The following PEBP4 variants were observed in gnomAD, a reference collection of about 807,000 sequenced individuals.
PEBP4 encodes the protein phosphatidylethanolamine-binding protein 4.
Under a neutral mutation model 23.9 loss-of-function variants are expected in PEBP4, and 22 were observed. The ratio of observed to expected loss-of-function variants is 0.92; its 90% CI spans 0.66 to 1.31. The LOEUF (loss-of-function observed/expected upper bound fraction) is 1.31. Ranked by LOEUF, PEBP4 falls within the 40% of genes most tolerant of loss-of-function variation. The pLI, the probability that PEBP4 is intolerant of heterozygous loss-of-function variation, is 0.00. For synonymous variants in PEBP4, 112 were observed against 99.3 expected, an observed-to-expected ratio of 1.13 and a Z score of -0.76; for missense variants, 324 against 281.7, an observed-to-expected ratio of 1.15 and a Z score of -1.07.
At chr8:22,818,951 C>T (rs939784833) in intron 3 of PEBP4, among the ~76,000 whole-genome samples, 14 of 152,010 alleles carry the variant, frequency 9.2e-5, no homozygotes, top group Non-Finnish European at 1.6e-4. Context: ...TTAAATGGTA[C>T]AAATAAGACT....
intron 3 of PEBP4, among the ~76,000 whole-genome samples, chr8:22,875,517 G>T (rs1808101869): frequency 6.6e-6 from 1 of 152,006 alleles, no homozygotes; most frequent in African/African-American, 2.4e-5. Context: ...GTTGTTCTGA[G>T]CCCCACTCCT....
intron 3 of PEBP4, among the ~76,000 whole-genome samples, chr8:22,825,275 G>A (rs1806944329): frequency 6.6e-6 from 1 of 152,212 alleles, no homozygotes. Flanking sequence ...TAGGTCCATG[G>A]AGCTGACAGG....
chr8:22,761,670 T>A (rs559294496), intron 4 of PEBP4, among the ~76,000 whole-genome samples: 1 of 152,218 alleles, frequency 6.6e-6, no homozygotes, highest in African/African-American at 2.4e-5. Flanking sequence ...CTGCTTTAAA[T>A]GTACTCTTCA....
intron 1 of PEBP4, among the ~76,000 whole-genome samples, chr8:22,933,163 T>A (rs544292741): frequency 1.6e-4 from 24 of 152,200 alleles, no homozygotes; most frequent in Non-Finnish European, 2.9e-4. Flanking sequence ...TGCTCTAATC[T>A]GTCTGGGGTC....
At chr8:22,767,436 G>A (rs563452292) in intron 4 of PEBP4, among the ~76,000 whole-genome samples, 10 of 152,340 alleles carry the variant, frequency 6.6e-5, no homozygotes, top group African/African-American at 2.2e-4. Flanking sequence ...TGTCACGTCC[G>A]CTGTCATTCC....
chr8:22,767,472 A>G (rs933562833), intron 4 of PEBP4, among the ~76,000 whole-genome samples: 1 of 152,232 alleles, frequency 6.6e-6, no homozygotes, highest in African/African-American at 2.4e-5. Context: ...GCGGGAAAGA[A>G]GAGTGAGCAG....
chr8:22,852,062 C>A (rs1022921171), intron 3 of PEBP4, among the ~76,000 whole-genome samples: 1 of 152,060 alleles, frequency 6.6e-6, no homozygotes, highest in African/African-American at 2.4e-5. Context: ...GAGAATAGGG[C>A]ACCATCCCTC....
chr8:22,920,399 TA>T (rs1409743333), intron 2 of PEBP4, 89 bp from the exon 3 acceptor site: 1 of 1,400,148 alleles, frequency 7.1e-7, no homozygotes, highest in Non-Finnish European at 9.6e-7. Flanking sequence ...ATTGGGAATG[TA>T]AAGTGAAATG....
chr8:22,836,121 C>T (rs1807199983), intron 3 of PEBP4, among the ~76,000 whole-genome samples: 1 of 152,212 alleles, frequency 6.6e-6, no homozygotes, highest in Non-Finnish European at 1.5e-5. Context: ...GGGCAAGTTG[C>T]CTAAACTCTC....
intron 3 of PEBP4, among the ~76,000 whole-genome samples, chr8:22,915,948 A>G (rs1327444223): frequency 4.6e-5 from 7 of 152,178 alleles, no homozygotes; most frequent in Admixed American, 4.6e-4. Flanking sequence ...ATTTGGGTTG[A>G]AACTTGTGTC....
chr8:22,717,862 A>C (rs964508782), intron 6 of PEBP4, among the ~76,000 whole-genome samples: 2 of 152,168 alleles, frequency 1.3e-5, no homozygotes, highest in Non-Finnish European at 2.9e-5. Context: ...AGCCCGGCTC[A>C]GGTCTGTAAT....
intron 4 of PEBP4, chr8:22,757,454 G>C (rs1203366176): frequency 1.3e-5 from 2 of 152,554 alleles, no homozygotes; most frequent in Admixed American, 6.5e-5. Context: ...CCTTCCTCCA[G>C]GCAGCTCACA....
intron 4 of PEBP4, among the ~76,000 whole-genome samples, chr8:22,765,526 C>A (rs1805592996): frequency 1.3e-5 from 2 of 152,204 alleles, no homozygotes; most frequent in South Asian, 4.1e-4. Context: ...ACTGTAACCA[C>A]CTGGGAGGGA....
At chr8:22,854,471 G>A (rs761032507) in intron 3 of PEBP4, among the ~76,000 whole-genome samples, 4 of 152,298 alleles carry the variant, frequency 2.6e-5, no homozygotes, top group East Asian at 3.9e-4. Flanking sequence ...TCTCAGGAAC[G>A]TGCCTGGTGG....
intron 3 of PEBP4, among the ~76,000 whole-genome samples, chr8:22,851,746 G>A (rs1385665952): frequency 6.6e-6 from 1 of 152,088 alleles, no homozygotes; most frequent in African/African-American, 2.4e-5. Flanking sequence ...AAGCACAAGC[G>A]AGGACTTGGG....
At chr8:22,928,095 T>C (rs1159594139), upstream of PEBP4, among the ~76,000 whole-genome samples, 1 of 152,242 alleles carries the variant, frequency 6.6e-6, no homozygotes, top group Non-Finnish European at 1.5e-5. Flanking sequence ...GGCCCAGGGA[T>C]GGTCAGCTGG....
chr8:22,916,326 T>A (rs1266581031), intron 3 of PEBP4, among the ~76,000 whole-genome samples: 9 of 152,222 alleles, frequency 5.9e-5, no homozygotes, highest in Admixed American at 5.9e-4. Flanking sequence ...AATGTTTGCC[T>A]CTTCATGTTT....
intron 3 of PEBP4, among the ~76,000 whole-genome samples, chr8:22,830,115 G>GTGTC (rs1433242320): frequency 6.8e-6 from 1 of 147,030 alleles, no homozygotes; most frequent in Non-Finnish European, 1.5e-5. Flanking sequence ...CTGTGGTTTT[G>GTGTC]TGTGTGTGTG....
At chr8:22,729,745 G>A (rs887465916) in intron 4 of PEBP4, among the ~76,000 whole-genome samples, 7 of 152,324 alleles carry the variant, frequency 4.6e-5, no homozygotes, top group African/African-American at 1.4e-4. Context: ...CTGATCCCAC[G>A]GACAGGTGCT....
Sources: gnomAD v4.1 joint callset for allele counts (sites outside exome capture counted in the v4.1 genomes callset) on GRCh38, gnomAD v4.1.1 for gene constraint, MANE v1.5 for transcripts, NCBI Gene and HGNC (gene_info 2026-07-23, HGNC 2026-07-21) for gene names.